Variants in AUTS2 observed in about 807,000 individuals in gnomAD.
AUTS2 encodes activator of transcription and developmental regulator AUTS2, also known as autism susceptibility gene 2 protein.
In AUTS2, 17 loss-of-function variants were observed where a neutral mutation model predicts 112.4. That is an observed-to-expected ratio of 0.15 (90% CI 0.10 to 0.23). The LOEUF (loss-of-function observed/expected upper bound fraction) is 0.23. Among genes scored for constraint, AUTS2 ranks in the 10% least tolerant of loss-of-function variants. AUTS2 has a pLI of 1.00. For synonymous variants in AUTS2, 751 were observed against 702.7 expected, an observed-to-expected ratio of 1.07 and a Z score of -1.09; for missense variants, 1,510 against 1,701.6, an observed-to-expected ratio of 0.89 and a Z score of 1.98.
At chr7:69,670,337 T>G (rs920996881) in intron 1 of AUTS2, among the ~76,000 whole-genome samples, 2 of 152,074 alleles carry the variant, frequency 1.3e-5, no homozygotes, top group African/African-American at 4.8e-5. Context: ...TAATACCCAA[T>G]CCTTTCTCAA....
intron 2 of AUTS2, among the ~76,000 whole-genome samples, chr7:69,945,025 C>G (rs1796755968): frequency 6.6e-6 from 1 of 152,174 alleles, no homozygotes; most frequent in Admixed American, 6.5e-5. Context: ...GCTGTACTAG[C>G]TGTGTGGCTC....
chr7:70,158,530 G>A (rs1807905143), intron 4 of AUTS2, among the ~76,000 whole-genome samples: 1 of 152,158 alleles, frequency 6.6e-6, no homozygotes, highest in Non-Finnish European at 1.5e-5. Flanking sequence ...CACTAAGAGA[G>A]GCAGTATAGG....
At chr7:70,333,085 A>G (rs1158413417) in intron 4 of AUTS2, among the ~76,000 whole-genome samples, 1 of 152,252 alleles carries the variant, frequency 6.6e-6, no homozygotes, top group Non-Finnish European at 1.5e-5. Flanking sequence ...GCTACTATCC[A>G]GAATCTACAA....
intron 2 of AUTS2, among the ~76,000 whole-genome samples, chr7:69,917,901 G>A (rs1363648145): frequency 6.6e-6 from 1 of 152,006 alleles, no homozygotes; most frequent in Non-Finnish European, 1.5e-5. Context: ...GGAGTGCAGT[G>A]GCGCGATCTC....
At chr7:70,159,614 C>T (rs969939651) in intron 4 of AUTS2, among the ~76,000 whole-genome samples, 1 of 152,028 alleles carries the variant, frequency 6.6e-6, no homozygotes, top group East Asian at 1.9e-4. Flanking sequence ...TATTTGGTCC[C>T]AAAATGTCAT....
chr7:70,644,130 T>C (rs1806014485), intron 5 of AUTS2, among the ~76,000 whole-genome samples: 1 of 152,200 alleles, frequency 6.6e-6, no homozygotes. Flanking sequence ...AGTTATTGAG[T>C]ACCAGTGTCA....
chr7:70,338,439 C>G (rs1378623972), intron 4 of AUTS2, among the ~76,000 whole-genome samples: 3 of 152,132 alleles, frequency 2.0e-5, no homozygotes, highest in Admixed American at 6.5e-5. Context: ...AGGAAAATTT[C>G]ACAAGAAGTT....
intron 5 of AUTS2, among the ~76,000 whole-genome samples, chr7:70,515,544 G>T (rs1267584750): frequency 6.6e-6 from 1 of 152,042 alleles, no homozygotes; most frequent in Non-Finnish European, 1.5e-5. Context: ...CTACTTACCG[G>T]GTTAGAGACT....
intron 1 of AUTS2, among the ~76,000 whole-genome samples, chr7:69,698,689 G>A (rs1013305209): frequency 7.2e-5 from 11 of 152,250 alleles, no homozygotes; most frequent in East Asian, 5.8e-4. Context: ...ATGTGTTGCC[G>A]AGTCAATTTG....
At chr7:69,755,178 A>G (rs1299727986) in intron 1 of AUTS2, among the ~76,000 whole-genome samples, 1 of 152,176 alleles carries the variant, frequency 6.6e-6, no homozygotes, top group Non-Finnish European at 1.5e-5. Flanking sequence ...CAGTGGCCTT[A>G]TCGAGAACAA....
In AUTS2 at chr7:69,832,669, A is replaced by G. The variant is rs536448841; in HGVS notation, c.310-66617A>G. ...AAATTAACAACAGGCTAAGAGAATAATTACAGACCTATTTAGGAAATCTAG... is the reference window on the plus strand; with the variant it reads ...AAATTAACAACAGGCTAAGAGAATAGTTACAGACCTATTTAGGAAATCTAG... On this transcript the variant is annotated intron_variant, in intron 1 of 18. Transcript: ENST00000342771. 5.3e-5 allele frequency among the ~76,000 whole-genome samples: 8 copies of G among 152,348 alleles called. No individual in the cohort carries two copies. The South Asian group carries it at 1.7e-3, about 32-fold the overall frequency.
chr7:70,137,483 C>T (rs1228574373), intron 4 of AUTS2, among the ~76,000 whole-genome samples: 4 of 143,140 alleles, frequency 2.8e-5, no homozygotes, highest in Admixed American at 7.1e-5. Context: ...TTGTTTTGAA[C>T]GTCAATGCAA....
At chr7:69,900,641 A>C (rs1794930538) in intron 2 of AUTS2, among the ~76,000 whole-genome samples, 2 of 152,338 alleles carry the variant, frequency 1.3e-5, no homozygotes, top group Middle Eastern at 3.4e-3. Context: ...TTTAGTTAAA[A>C]GATTGGAAAG....
chr7:69,870,030 A>C (rs1189045742), intron 1 of AUTS2, among the ~76,000 whole-genome samples: 2 of 152,156 alleles, frequency 1.3e-5, no homozygotes, highest in East Asian at 3.8e-4. Flanking sequence ...TGATTTGGAA[A>C]ATGCTGTTTG....
At chr7:70,352,634 G>A (rs74932393) in intron 4 of AUTS2, among the ~76,000 whole-genome samples, 4 of 152,258 alleles carry the variant, frequency 2.6e-5, no homozygotes, top group East Asian at 1.9e-4. Context: ...TGCCTACTAC[G>A]AGGTAAACAG....
At chr7:69,616,507 A>T (rs1665874065) in intron 1 of AUTS2, among the ~76,000 whole-genome samples, 1 of 152,040 alleles carries the variant, frequency 6.6e-6, no homozygotes, top group South Asian at 2.1e-4. Context: ...TTGTAGTTGG[A>T]TGTTTTTTCC....
At chr7:70,504,193 T>G (rs1438092343) in intron 5 of AUTS2, among the ~76,000 whole-genome samples, 8 of 151,906 alleles carry the variant, frequency 5.3e-5, no homozygotes, top group Admixed American at 2.0e-4. Context: ...AGGCTATTTT[T>G]ATTTCCTTCT....
At chr7:69,941,160 G>A in intron 2 of AUTS2, among the ~76,000 whole-genome samples, 1 of 152,134 alleles carries the variant, frequency 6.6e-6, no homozygotes, top group East Asian at 1.9e-4. Context: ...CGACCCTCTC[G>A]ATGTGGTACC....
At chr7:70,428,301 C>T (rs753484686) in intron 4 of AUTS2, among the ~76,000 whole-genome samples, 5 of 152,228 alleles carry the variant, frequency 3.3e-5, no homozygotes, top group Non-Finnish European at 7.4e-5. Flanking sequence ...ATCAGAGCTG[C>T]CATATGTGGC....
Sources: gnomAD v4.1 joint callset for allele counts (sites outside exome capture counted in the v4.1 genomes callset) on GRCh38, gnomAD v4.1.1 for gene constraint, MANE v1.5 for transcripts, NCBI Gene and HGNC (gene_info 2026-07-23, HGNC 2026-07-21) for gene names.